The following GRIN2D variants were observed in gnomAD, a reference collection of about 807,000 sequenced individuals.
GRIN2D encodes the protein glutamate ionotropic receptor NMDA type subunit 2D.
In GRIN2D, 37 loss-of-function variants were observed where a neutral mutation model predicts 103.2. The ratio of observed to expected loss-of-function variants is 0.36; its 90% CI spans 0.28 to 0.47. The LOEUF (loss-of-function observed/expected upper bound fraction) is 0.47, where lower values mean the gene tolerates loss of function less well. Among genes scored for constraint, GRIN2D ranks in the 20% least tolerant of loss-of-function variants. GRIN2D has a pLI of 1.00. For missense variants in GRIN2D, 1,557 were observed against 1,910.6 expected (o/e 0.81, Z 3.45); for synonymous variants, 845 against 885.6 (o/e 0.95, Z 0.81).
At position 48,426,546 on chromosome 19, in the gene GRIN2D, AT is replaced by A. The variant is rs555479926; in HGVS notation, c.2252+4602del. 6.3e-4 allele frequency among the ~76,000 whole-genome samples: 93 copies of A among 148,728 alleles called. 1 individual carries two copies. The highest frequency in any genetic ancestry group is 3.5e-3 in the Middle Eastern group (1 of 286). The stretch of plus-strand genomic sequence containing the variant: ...TAGCTGAATATTCTCTTTTTTAAAC[AT>A]GTGTAATTGCCTCTTTTTTTTTTAT... On this transcript the variant is annotated intron_variant, in intron 11 of 13. Coordinates refer to ENST00000263269, the MANE Select transcript of GRIN2D (RefSeq NM_000836.4).
Position 48,439,898 on chromosome 19 carries a change from G to A in GRIN2D, c.2253-1871G>A, listed in dbSNP as rs150235380. On this transcript the variant is annotated intron_variant, in intron 11 of 13. Transcript: ENST00000263269. ...GCGGAGGTTGTGGTGAGCCCAGATC[G>A]CACCATTGCACTCCAGCCTGGGCAG... is the stretch of plus-strand genomic sequence containing the variant. Among the ~76,000 whole-genome samples the A allele has an allele frequency of 7.5e-3, 1,145 of 152,204 alleles. 8 individuals carry two copies. The highest frequency in any genetic ancestry group is 0.026 in the African/African-American group (1,075 of 41,534).
In GRIN2D at chr19:48,444,209, T is replaced by G; in HGVS notation, c.*272T>G. On this transcript the variant is annotated 3_prime_UTR_variant, in exon 14 of 14. Coordinates refer to ENST00000263269, the MANE Select transcript of GRIN2D (RefSeq NM_000836.4). This position sits in a 1 kb window ranked among gnomAD's most constrained non-coding sequence, Gnocchi z 5.5. ...TAAACCCGACAAGGGCTTTTTAACG[T>G]CACCAGATGGGGCGGGAGGTGGGGG... 2 of 290,984 alleles carry G rather than the reference T, an allele frequency of 6.9e-6. No homozygotes were observed. The highest frequency in any genetic ancestry group is 1.3e-5 in the Non-Finnish European group (2 of 157,708). 18.0% of individuals were successfully genotyped at this position (290,984 alleles called of 1,614,324 possible).
chr19:48,442,694 C>T lies in GRIN2D; in HGVS notation c.2768C>T (p.Pro923Leu). The change falls in exon 14 of 14, where the codon CCG becomes CTG. Residue 923 changes from proline (P) to leucine (L), a missense_variant. Transcript: ENST00000263269. The surrounding 1 kb of genome is among the most constrained non-coding windows in gnomAD (Gnocchi z 7.2). ...CTGCCCAGCCCCGCGTACCCCGCGC[C>T]GCGGCCGGCTCCCGGGCCCGCACCT... ...QPLPSPAYPA[P>L]RPAPGPAPFV... The T allele has an allele frequency of 4.2e-6, 5 of 1,181,184 alleles. No homozygotes were observed. The highest frequency in any genetic ancestry group is 5.2e-6 in the Non-Finnish European group (5 of 957,262). 73.2% of individuals were successfully genotyped at this position (1,181,184 alleles called of 1,614,324 possible). A position where few individuals can be genotyped will look rare whatever the true frequency, so the allele number is the denominator to read the frequency against.
intron 8 of GRIN2D, 127 bp downstream of exon 8, chr19:48,416,282 G>A (rs1439416454): frequency 5.7e-6 from 4 of 704,016 alleles, no homozygotes; most frequent in Non-Finnish European, 9.4e-6. Flanking sequence ...GTGCAACTTC[G>A]GTGAAGTGAC....
chr19:48,443,171 C>T lies in GRIN2D; in HGVS notation c.3245C>T (p.Thr1082Met). The change falls in exon 14 of 14, where the codon ACG becomes ATG. Residue 1082 changes from threonine (T) to methionine (M), a missense_variant. Physicochemically the swap from Thr to Met is moderately conservative, Grantham distance 81 (BLOSUM62 -1). This residue lies in a region of GRIN2D where 632 missense variants were observed against 572.8 expected (regional missense o/e 1.10). Coordinates refer to ENST00000263269, the MANE Select transcript of GRIN2D (RefSeq NM_000836.4). This position sits in a 1 kb window ranked among gnomAD's most constrained non-coding sequence, Gnocchi z 8.9. ...LGPGAGGAGG[T>M]GGAGGGAPAA... ...CCAGGCGCGGGCGGCGCGGGGGGCA[C>T]GGGGGGCGCAGGCGGAGGAGCCCCG... 9.6e-7 allele frequency: 1 copy of T among 1,039,052 alleles called. No homozygotes were observed. The highest frequency in any genetic ancestry group is 6.2e-5 in the East Asian group (1 of 16,080). The allele number at this position is 1,039,052 out of a possible 1,614,324, so 64.4% of individuals were successfully genotyped here.
chr19:48,435,742 C>T (rs1368696382), intron 11 of GRIN2D, among the ~76,000 whole-genome samples: 1 of 152,218 alleles, frequency 6.6e-6, no homozygotes, highest in Non-Finnish European at 1.5e-5. Flanking sequence ...CCACCACACC[C>T]AGCCGTCCAG....
rs2147478110 is a variant in GRIN2D, at chr19:48,443,757, G to A, written c.3831G>A (p.Ser1277=). ...CGCGCTCGCTCGAGGACCTCAGCTC[G>A]TGCCCTCGCGCCGCCCCTGCGCGCA... ...PTSRSLEDLS[S]CPRAAPARRL... is the part of the protein sequence containing the mutation. Residue 1277 remains serine (S), a synonymous_variant, in exon 14 of 14, where the codon TCG becomes TCA. Transcript: ENST00000263269. The surrounding 1 kb of genome is among the most constrained non-coding windows in gnomAD (Gnocchi z 8.9). The A allele has an allele frequency of 7.0e-7, 1 of 1,426,920 alleles. No homozygotes were observed. The highest frequency in any genetic ancestry group is 3.1e-5 in the East Asian group (1 of 32,660). The allele number at this position is 1,426,920 out of a possible 1,614,324, so 88.4% of individuals were successfully genotyped here.
intron 4 of GRIN2D, among the ~76,000 whole-genome samples, chr19:48,412,433 GAAAGAAAGAAA>G: frequency 1.6e-5 from 2 of 124,906 alleles, no homozygotes; most frequent in South Asian, 4.8e-4. Context: ...AAGAAAGAAA[GAAAGAAAGAAA>G]GAAAGAAAGA....
At chr19:48,422,340 C>T (rs944699046) in intron 11 of GRIN2D, among the ~76,000 whole-genome samples, 1 of 152,146 alleles carries the variant, frequency 6.6e-6, no homozygotes, top group African/African-American at 2.4e-5. Flanking sequence ...AAGCCGGGCA[C>T]GGTGGCTCAT....
rs1345073368 is a variant in GRIN2D at position 48,442,568 on chromosome 19, C to T, written c.2674-32C>T. On this transcript the variant is annotated intron_variant, in intron 13 of 13. Transcript: ENST00000263269. This position sits in a 1 kb window ranked among gnomAD's most constrained non-coding sequence, Gnocchi z 7.2. ...GCGGGCAGGCGTCCTGGGCATCTCG[C>T]GCTGACCCCCGTCCTGTCCCCGGAC... is the stretch of plus-strand genomic sequence containing the variant. 1 of 1,480,940 alleles carries T rather than the reference C, an allele frequency of 6.8e-7. No individual in the cohort carries two copies. Among genetic ancestry groups the T allele is most frequent in the South Asian group, 1.3e-5 (1 of 74,222 alleles). 91.7% of individuals were successfully genotyped at this position (1,480,940 alleles called of 1,614,324 possible).
rs539864049 is a variant in GRIN2D at position 48,444,108 on chromosome 19, G to C, written c.*171G>C. The C allele has an allele frequency of 3.8e-4, 170 of 449,892 alleles. 1 individual carries two copies. The Admixed American group carries it at 5.0e-3, about 13-fold the overall frequency. 27.9% of individuals were successfully genotyped at this position (449,892 alleles called of 1,614,324 possible). A position where few individuals can be genotyped will look rare whatever the true frequency, so the allele number is the denominator to read the frequency against. On this transcript the variant is annotated 3_prime_UTR_variant, in exon 14 of 14. Transcript: ENST00000263269. The surrounding 1 kb of genome is among the most constrained non-coding windows in gnomAD (Gnocchi z 5.5). ...GGTTCTGGAGGAACCGCAAGCCGGA[G>C]AGGATTTGGTCCCTCAACTATCACC...
chr19:48,407,528 C>A (rs997913513), intron 4 of GRIN2D, among the ~76,000 whole-genome samples: 5 of 152,164 alleles, frequency 3.3e-5, no homozygotes, highest in African/African-American at 9.7e-5. Context: ...TTGCACAAGT[C>A]ACAAGTCAGC....
At position 48,442,044 on chromosome 19, in the gene GRIN2D, A is replaced by C; in HGVS notation, c.2440+88A>C. ...GGAAGAAAGGGACAAAGACCCGGAC[A>C]CCAGGGTCTGAGGGAGGAAGGGGCT... On this transcript the variant is annotated intron_variant, in intron 12 of 13. Transcript: ENST00000263269. The surrounding 1 kb of genome is among the most constrained non-coding windows in gnomAD (Gnocchi z 7.2). The C allele has an allele frequency of 6.7e-7, 1 of 1,495,668 alleles. No individual in the cohort carries two copies. Among genetic ancestry groups the C allele is most frequent in the Non-Finnish European group, 9.2e-7 (1 of 1,090,612 alleles). The allele number at this position is 1,495,668 out of a possible 1,614,324, so 92.6% of individuals were successfully genotyped here.
At chr19:48,395,493 TTGTG>T (rs755262217) in intron 2 of GRIN2D, among the ~76,000 whole-genome samples, 1 of 151,100 alleles carries the variant, frequency 6.6e-6, no homozygotes, top group Non-Finnish European at 1.5e-5. Flanking sequence ...GAGACCGATG[TTGTG>T]TGTGTGTGTT....
chr19:48,439,899 C>T (rs1036658814), intron 11 of GRIN2D, among the ~76,000 whole-genome samples: 1 of 152,156 alleles, frequency 6.6e-6, no homozygotes, highest in African/African-American at 2.4e-5. Context: ...GCCCAGATCG[C>T]ACCATTGCAC....
chr19:48,395,744 G>A (rs1313839664), intron 2 of GRIN2D, among the ~76,000 whole-genome samples: 1 of 152,064 alleles, frequency 6.6e-6, no homozygotes, highest in Non-Finnish European at 1.5e-5. Flanking sequence ...CGGTGGGGGG[G>A]CACCCAGGAT....
chr19:48,442,037 C>A lies in GRIN2D; in HGVS notation c.2440+81C>A. 5.3e-6 allele frequency: 8 copies of A among 1,514,292 alleles called. No individual in the cohort carries two copies. The Admixed American group carries it at 1.0e-4, about 20-fold the overall frequency. 93.8% of individuals were successfully genotyped at this position (1,514,292 alleles called of 1,614,324 possible). On this transcript the variant is annotated intron_variant, in intron 12 of 13. Transcript: ENST00000263269. The surrounding 1 kb of genome is among the most constrained non-coding windows in gnomAD (Gnocchi z 7.2). ...GTTCCGGGGAAGAAAGGGACAAAGA[C>A]CCGGACACCAGGGTCTGAGGGAGGA...
intron 2 of GRIN2D, among the ~76,000 whole-genome samples, chr19:48,397,763 C>T (rs1045880527): frequency 6.6e-6 from 1 of 151,768 alleles, no homozygotes. Flanking sequence ...CTCTTTCCCT[C>T]CCCGTCTCCC....
chr19:48,419,362 G>A lies in GRIN2D; in HGVS notation c.1861+3G>A. On this transcript the variant is annotated splice_donor_region_variant and intron_variant, in intron 9 of 13. Coordinates refer to ENST00000263269, the MANE Select transcript of GRIN2D (RefSeq NM_000836.4). ...CCGCAGCCTGGCCACGGGCAAGCGT[G>A]AGTCCCCCTTCCTCCATCCCCCGCC... 6.3e-7 allele frequency: 1 copy of A among 1,599,092 alleles called. No individual in the cohort carries two copies. Among genetic ancestry groups the A allele is most frequent in the Non-Finnish European group, 8.5e-7 (1 of 1,177,308 alleles).
Sources: gnomAD v4.1 joint callset for allele counts (sites outside exome capture counted in the v4.1 genomes callset) on GRCh38, gnomAD v4.1.1 for gene constraint, gnomAD v4.1.1 regional missense constraint, Gnocchi (gnomAD v3.1) non-coding constraint, MANE v1.5 for transcripts, NCBI Gene and HGNC (gene_info 2026-07-23, HGNC 2026-07-21) for gene names.